PWWP3A: variants seen among roughly 807,000 people sequenced by gnomAD.
PWWP3A encodes PWWP domain-containing DNA repair factor 3A.
In PWWP3A, 53 loss-of-function variants were observed where a neutral mutation model predicts 79.0. The ratio of observed to expected loss-of-function variants is 0.67; its 90% CI spans 0.54 to 0.84. PWWP3A has a LOEUF of 0.84. Ranked by LOEUF, PWWP3A falls within the 40% of genes least tolerant of loss-of-function variation. PWWP3A has a pLI of 0.00. For synonymous variants in PWWP3A, 443 were observed against 394.4 expected, an observed-to-expected ratio of 1.12 and a Z score of -1.46; for missense variants, 973 against 948.0, an observed-to-expected ratio of 1.03 and a Z score of -0.35.
At chr19:1,357,223 A>G (rs2081893400) in intron 3 of PWWP3A, 129 bp downstream of exon 3, 3 of 650,834 alleles carry the variant, frequency 4.6e-6, no homozygotes, top group Non-Finnish European at 5.3e-6. Flanking sequence ...TGTGTAATTC[A>G]TTAATGCTCA....
intron 3 of PWWP3A, 80 bp from the exon 4 acceptor site, chr19:1,358,314 T>C: frequency 7.7e-7 from 1 of 1,303,046 alleles, no homozygotes; most frequent in Non-Finnish European, 1.1e-6. Flanking sequence ...ATAATTCTTT[T>C]GTTATCTAAA....
intron 7 of PWWP3A, among the ~76,000 whole-genome samples, chr19:1,365,609 A>G (rs2526133): frequency 0.41 from 63,140 of 152,170 alleles, 13,728 homozygotes; most frequent in Middle Eastern, 0.55. Context: ...TGTGTCGCCT[A>G]CTGGCCGGCG....
In PWWP3A at chr19:1,368,472, G is replaced by A. The variant is rs947289954; in HGVS notation, c.1423-793G>A. On this transcript the variant is annotated intron_variant, in intron 9 of 13. Transcript: ENST00000591337. This position sits in a 1 kb window ranked among gnomAD's most constrained non-coding sequence, Gnocchi z 4.7. ...TCTGAGGGATGATATTGGGGAAGCC[G>A]TGCTTTAGGAAAGTGCGGGGGCTGC... Among the ~76,000 whole-genome samples, 3 of 152,158 alleles carry A rather than the reference G, an allele frequency of 2.0e-5. No homozygotes were observed. Among genetic ancestry groups the A allele is most frequent in the East Asian group, 1.9e-4 (1 of 5,188 alleles).
chr19:1,372,373 G>A (rs533562292), intron 12 of PWWP3A: 12 of 152,334 alleles, frequency 7.9e-5, no homozygotes, highest in African/African-American at 2.9e-4. Context: ...TGTTAAAAAT[G>A]TGTTTACCAT....
intron 1 of PWWP3A, 150 bp from the exon 2 acceptor site, chr19:1,356,174 C>A: frequency 1.8e-6 from 1 of 547,778 alleles, no homozygotes; most frequent in Non-Finnish European, 3.3e-6. Context: ...TGTCAGTCTG[C>A]TTTTTGGCAT....
intron 4 of PWWP3A, chr19:1,359,439 G>A (rs2081960855): frequency 1.3e-5 from 2 of 150,912 alleles, no homozygotes; most frequent in African/African-American, 4.9e-5. Flanking sequence ...TTGTTTGTGG[G>A]CGCCTTTAAT....
At chr19:1,364,191 A>G (rs748074611) in intron 6 of PWWP3A, 11 of 560,772 alleles carry the variant, frequency 2.0e-5, no homozygotes, top group South Asian at 6.9e-5. Context: ...AAAGTCGCGC[A>G]CACATAGGAC....
intron 6 of PWWP3A, 62 bp downstream of exon 6, chr19:1,362,413 G>A: frequency 7.3e-7 from 1 of 1,361,546 alleles, no homozygotes; most frequent in African/African-American, 1.5e-5. Flanking sequence ...GCGGCGGCGG[G>A]GCTCCGAGAC....
rs1287018626 is a variant in PWWP3A at position 1,370,789 on chromosome 19, C to G, written c.1697C>G (p.Ala566Gly). Residue 566 changes from alanine (A) to glycine (G), a missense_variant, in exon 12 of 14, where the codon GCC (alanine) becomes GGC (glycine). By Grantham distance (60) the Ala-to-Gly change is moderately conservative (BLOSUM62 0). Transcript: ENST00000591337. ...CRKMLPDRSR[A>G]ARDRANQKLV... ...AAAATGCTCCCCGACCGCTCGCGGGCCGCCCGGGACCGGGCCAACCAGAAG... is the reference window on the plus strand; with the variant it reads ...AAAATGCTCCCCGACCGCTCGCGGGGCGCCCGGGACCGGGCCAACCAGAAG... 2 of 1,547,922 alleles carry G rather than the reference C, an allele frequency of 1.3e-6. No homozygotes were observed. The highest frequency in any genetic ancestry group is 1.7e-6 in the Non-Finnish European group (2 of 1,144,838).
chr19:1,373,331 A>C, intron 13 of PWWP3A, 171 bp downstream of exon 13: 13 of 601,728 alleles, frequency 2.2e-5, no homozygotes, highest in East Asian at 8.7e-5. Context: ...CCTGTGGGTC[A>C]CTCCTGCCCC....
chr19:1,357,602 T>C (rs193132305), intron 3 of PWWP3A: 1 of 153,780 alleles, frequency 6.5e-6, no homozygotes. Context: ...AGGCGGCACA[T>C]TGTTCTGCTC....
chr19:1,368,214 C>T lies in PWWP3A; in HGVS notation c.1422+994C>T, dbSNP rs1040412566. On this transcript the variant is annotated intron_variant, in intron 9 of 13. Coordinates refer to ENST00000591337, the MANE Select transcript of PWWP3A (RefSeq NM_001369789.1). The surrounding 1 kb of genome is among the most constrained non-coding windows in gnomAD (Gnocchi z 4.7). Reference sequence around the variant, plus strand: ...CTGGGATTACAGGTGTGAGCCACTGCGCCCGGCTGGAACTGAGTTACTTTC... The same window carrying T: ...CTGGGATTACAGGTGTGAGCCACTGTGCCCGGCTGGAACTGAGTTACTTTC... 4.6e-5 allele frequency among the ~76,000 whole-genome samples: 7 copies of T among 152,118 alleles called. No homozygotes were observed. The highest frequency in any genetic ancestry group is 4.2e-4 in the South Asian group (2 of 4,816).
chr19:1,363,229 G>GTT (rs2082058601), intron 6 of PWWP3A, among the ~76,000 whole-genome samples: 2 of 152,174 alleles, frequency 1.3e-5, no homozygotes, highest in Admixed American at 1.3e-4. Context: ...TGTCTACACT[G>GTT]TTTGAGTGCT....
In PWWP3A at chr19:1,366,206, T is replaced by G. The variant is rs574906575; in HGVS notation, c.1285-99T>G. 3.5e-4 allele frequency: 347 copies of G among 984,504 alleles called. 2 individuals carry two copies. The African/African-American group carries it at 5.5e-3, about 16-fold the overall frequency. 61.0% of individuals were successfully genotyped at this position (984,504 alleles called of 1,614,324 possible). ...GCTGGGGTCACCCCCAGAGCTGGGG[T>G]CAGCGCCTGTTAGATGTATCATGTG... is the stretch of plus-strand genomic sequence containing the variant. On this transcript the variant is annotated intron_variant, in intron 7 of 13. Transcript: ENST00000591337.
In PWWP3A at chr19:1,377,347, G is replaced by C. The variant is rs951139102; in HGVS notation, c.*771G>C. On this transcript the variant is annotated 3_prime_UTR_variant, in exon 14 of 14. Transcript: ENST00000591337. The stretch of plus-strand genomic sequence containing the variant: ...TGTCGTCACTGCACAGCCAGTCACC[G>C]CGGTCTCAGTCATCGGCGCGGATGG... 1 of 152,302 alleles carries C rather than the reference G, an allele frequency of 6.6e-6. No homozygotes were observed. Among genetic ancestry groups the C allele is most frequent in the African/African-American group, 2.4e-5 (1 of 41,438 alleles). 9.4% of individuals were successfully genotyped at this position (152,302 alleles called of 1,614,324 possible). A position where few individuals can be genotyped will look rare whatever the true frequency, so the allele number is the denominator to read the frequency against.
At position 1,369,280 on chromosome 19, in the gene PWWP3A, G is replaced by A. The variant is rs1166422034; in HGVS notation, c.1438G>A (p.Asp480Asn). Reference protein sequence around the residue: ...KQTLLNQAREDFNQDIGWCVS... With the variant: ...KQTLLNQARENFNQDIGWCVS... The stretch of plus-strand genomic sequence containing the variant: ...CTCATTGTAGAATCAAGCCAGGGAG[G>A]ACTTCAACCAGGACATCGGCTGGTG... The change falls in exon 10 of 14, where the codon GAC (aspartate) becomes AAC (asparagine). Residue 480 changes from aspartate (D) to asparagine (N), a missense_variant. Transcript: ENST00000591337. This position sits in a 1 kb window ranked among gnomAD's most constrained non-coding sequence, Gnocchi z 4.0. 5.6e-6 allele frequency: 9 copies of A among 1,614,004 alleles called. No individual in the cohort carries two copies. Among genetic ancestry groups the A allele is most frequent in the Non-Finnish European group, 7.6e-6 (9 of 1,180,024 alleles).
At position 1,358,595 on chromosome 19, in the gene PWWP3A, G is replaced by A. The variant is rs770209767; in HGVS notation, c.214+131G>A. ...TGTTTTTCTTCATACAAGGGAACGC[G>A]AATCCCCTGAGCTGAAGGAGAAGGA... On this transcript the variant is annotated intron_variant, in intron 4 of 13. Transcript: ENST00000591337. 22 of 1,583,426 alleles carry A rather than the reference G, an allele frequency of 1.4e-5. No homozygotes were observed. The East Asian group carries it at 1.6e-4, about 12-fold the overall frequency.
rs1555768081 is a variant in PWWP3A, at chr19:1,354,983, G to GAGCGGCGGC, written c.-221_-213dup. 2 of 99,978 alleles carry GAGCGGCGGC rather than the reference G, an allele frequency of 2.0e-5. No homozygotes were observed. The highest frequency in any genetic ancestry group is 2.2e-4 in the East Asian group (1 of 4,540). 6.2% of individuals were successfully genotyped at this position (99,978 alleles called of 1,614,324 possible). A position where few individuals can be genotyped will look rare whatever the true frequency, so the allele number is the denominator to read the frequency against. ...CAAGCCCCGCCCCCGGCCCCGCGGG[G>GAGCGGCGGC]AGCGGCGGCGGCGGCGGCGGCGGCG... On this transcript the variant is annotated 5_prime_UTR_variant, in exon 1 of 14. Transcript: ENST00000591337.
At position 1,370,649 on chromosome 19, in the gene PWWP3A, T is replaced by C; in HGVS notation, c.1557T>C (p.Pro519=). 1 of 1,449,386 alleles carries C rather than the reference T, an allele frequency of 6.9e-7. No individual in the cohort carries two copies. Among genetic ancestry groups the C allele is most frequent in the Non-Finnish European group, 9.1e-7 (1 of 1,098,606 alleles). The allele number at this position is 1,449,386 out of a possible 1,614,324, so 89.8% of individuals were successfully genotyped here. ...CAGGTGCTTCTTTTGCAGGCTATCC[T>C]GTCCGAAAATCCATCCAGCAGGACG... ...LEYYAADISY[P]VRKSIQQDVL... Residue 519 remains proline (P), a synonymous_variant, in exon 12 of 14, where the codon CCT becomes CCC. Transcript: ENST00000591337.
Sources: allele counts gnomAD v4.1 joint callset (sites outside exome capture counted in the v4.1 genomes callset), GRCh38; gene constraint gnomAD v4.1.1; non-coding constraint Gnocchi (gnomAD v3.1); transcripts MANE v1.5; gene names NCBI Gene and HGNC (gene_info 2026-07-23, HGNC 2026-07-21).